ABCC10: variants seen among roughly 807,000 people sequenced by gnomAD.
ABCC10 encodes ATP binding cassette subfamily C member 10.
A neutral mutation model predicts 143.2 loss-of-function variants in ABCC10; 110 were observed. The observed-to-expected ratio is 0.77, with a 90% CI of 0.66 to 0.90. The LOEUF (loss-of-function observed/expected upper bound fraction) is 0.90. Ranked by LOEUF, ABCC10 falls within the 40% of genes least tolerant of loss-of-function variation. The pLI, the probability that ABCC10 is intolerant of heterozygous loss-of-function variation, is 0.00. For synonymous variants in ABCC10, 805 were observed against 846.7 expected, an observed-to-expected ratio of 0.95 and a Z score of 0.85; for missense variants, 1,700 against 1,900.5, an observed-to-expected ratio of 0.89 and a Z score of 1.96.
intron 2 of ABCC10, among the ~76,000 whole-genome samples, chr6:43,429,326 A>G (rs1780842469): frequency 7.2e-6 from 1 of 139,104 alleles, no homozygotes; most frequent in South Asian, 2.2e-4. Flanking sequence ...GGAAATATAT[A>G]TATTTTTTTC....
intron 7 of ABCC10, chr6:43,438,307 C>T (rs548373182): frequency 1.5e-4 from 208 of 1,366,598 alleles, no homozygotes; most frequent in Non-Finnish European, 1.8e-4. Flanking sequence ...CAGAGAGGAG[C>T]ATAGGTTTGA....
intron 16 of ABCC10, chr6:43,446,836 C>T: frequency 8.9e-7 from 1 of 1,117,758 alleles, no homozygotes; most frequent in Admixed American, 4.7e-5. Flanking sequence ...TCCTGCTTCT[C>T]TGTTGCTTTT....
At chr6:43,451,734 T>G (rs952932092), downstream of ABCC10, among the ~76,000 whole-genome samples, 4 of 151,922 alleles carry the variant, frequency 2.6e-5, no homozygotes, top group Non-Finnish European at 4.4e-5. This position sits in a 1 kb window ranked among gnomAD's most constrained non-coding sequence, Gnocchi z 4.4. Context: ...TCCTATAGAT[T>G]GTTGAAGAAA....
chr6:43,442,967 T>A lies in ABCC10; in HGVS notation c.2227-3T>A. Reference sequence around the variant, plus strand: ...TGCCCACGGTACCCTCACGTCTCCATAGGAAAAGGAGCTCTATCTCCTCGA... The same window carrying A: ...TGCCCACGGTACCCTCACGTCTCCAAAGGAAAAGGAGCTCTATCTCCTCGA... On this transcript the variant is annotated splice_polypyrimidine_tract_variant and splice_region_variant and intron_variant, in intron 9 of 21. Coordinates refer to ENST00000372530, the MANE Select transcript of ABCC10 (RefSeq NM_001198934.2). The A allele has an allele frequency of 7.6e-6, 12 of 1,575,756 alleles. No individual in the cohort carries two copies. Among genetic ancestry groups the A allele is most frequent in the Non-Finnish European group, 1.0e-5 (12 of 1,160,646 alleles).
chr6:43,447,543 AC>A (rs1336744238), intron 17 of ABCC10, 135 bp downstream of exon 17: 1 of 1,551,476 alleles, frequency 6.4e-7, no homozygotes, highest in Non-Finnish European at 8.7e-7. Flanking sequence ...ACAATTCTTC[AC>A]CATGTCCCTT....
Position 43,445,260 on chromosome 6 carries a change from C to T in ABCC10, c.2976C>T (p.Gly992=), listed in dbSNP as rs752442000. 5 of 1,613,950 alleles carry T rather than the reference C, an allele frequency of 3.1e-6. No individual in the cohort carries two copies. In the Admixed American group the frequency reaches 6.7e-5, roughly 22 times the overall value. Residue 992 remains glycine, a synonymous_variant, in exon 14 of 22, where the codon GGC becomes GGT. Transcript: ENST00000372530. ...TLLRAVLFAA[G]TLQAAATLHR... is the part of the protein sequence containing the mutation. ...TCCGGGCAGTGCTCTTTGCAGCAGG[C>T]ACCCTTCAAGCAGCTGCCACTCTGC...
chr6:43,447,985 G>A, intron 18 of ABCC10, 48 bp downstream of exon 18: 1 of 1,602,376 alleles, frequency 6.2e-7, no homozygotes, highest in Non-Finnish European at 8.5e-7. Context: ...CAGAACTACT[G>A]GCACTTAGAG....
chr6:43,443,048 A>C lies in ABCC10; in HGVS notation c.2305A>C (p.Ile769Leu). The C allele has an allele frequency of 6.2e-7, 1 of 1,613,306 alleles. No individual in the cohort carries two copies. Among genetic ancestry groups the C allele is most frequent in the East Asian group, 2.2e-5 (1 of 44,874 alleles). Residue 769 changes from isoleucine (I) to leucine (L), a missense_variant, in exon 10 of 22, where the codon ATC (isoleucine) becomes CTC (leucine). Transcript: ENST00000372530. The surrounding 1 kb of genome is among the most constrained non-coding windows in gnomAD (Gnocchi z 4.2). ...DVANHLLHRC[I>L]LGMLSYTTRL... The stretch of plus-strand genomic sequence containing the variant: ...GGCCAACCACCTGCTGCACAGGTGC[A>C]TCCTGGGCATGCTGAGCTACACCAC...
chr6:43,443,875 G>A lies in ABCC10; in HGVS notation c.2417-58G>A. 2.6e-6 allele frequency: 4 copies of A among 1,525,952 alleles called. No homozygotes were observed. The highest frequency in any genetic ancestry group is 1.4e-5 in the African/African-American group (1 of 73,100). 94.5% of individuals were successfully genotyped at this position (1,525,952 alleles called of 1,614,324 possible). A position where few individuals can be genotyped will look rare whatever the true frequency, so the allele number is the denominator to read the frequency against. ...GAGGTGGGATCTGCACACGCACTGA[G>A]AAAGGCATAGTATAGACTCAGAACA... On this transcript the variant is annotated intron_variant, in intron 10 of 21. Transcript: ENST00000372530. The surrounding 1 kb of genome is among the most constrained non-coding windows in gnomAD (Gnocchi z 4.2).
intron 17 of ABCC10, 116 bp downstream of exon 17, chr6:43,447,524 A>G (rs1229220315): frequency 3.9e-6 from 6 of 1,553,296 alleles, no homozygotes; most frequent in Admixed American, 1.9e-5. Context: ...ACCTCTCTTC[A>G]TGATGACCAC....
chr6:43,445,005 T>C (rs983290049), intron 13 of ABCC10, 67 bp downstream of exon 13: 1 of 1,580,930 alleles, frequency 6.3e-7, no homozygotes, highest in Non-Finnish European at 8.6e-7. Flanking sequence ...GAGTGAGGGT[T>C]GTGGCCGGTA....
chr6:43,451,633 C>G (rs550303730), downstream of ABCC10, among the ~76,000 whole-genome samples: 1 of 152,282 alleles, frequency 6.6e-6, no homozygotes, highest in African/African-American at 2.4e-5. The surrounding 1 kb of genome is among the most constrained non-coding windows in gnomAD (Gnocchi z 4.4). Flanking sequence ...AGCCAGCGTT[C>G]AGGAGAGGAT....
chr6:43,430,094 A>T (rs546667197), intron 2 of ABCC10, among the ~76,000 whole-genome samples: 111 of 138,458 alleles, frequency 8.0e-4, no homozygotes, highest in South Asian at 2.1e-3. Context: ...ATAGAAAAAA[A>T]TTTTTTTTTT....
rs755874920 is a variant in ABCC10 at position 43,434,666 on chromosome 6, G to A, written c.1426G>A (p.Gly476Arg). The change falls in exon 4 of 22, where the codon GGG becomes AGG. Residue 476 changes from glycine (G) to arginine (R), a missense_variant. Gly to Arg is a moderately radical substitution (Grantham distance 125, BLOSUM62 -2). Transcript: ENST00000372530. Reference protein sequence around the residue: ...LSGIRVIKFCGWEQALGARVE... With the variant: ...LSGIRVIKFCRWEQALGARVE... ...TGGCATTCGGGTCATCAAGTTCTGCGGGTGGGAGCAGGCACTGGGAGCCCG... is the reference window on the plus strand; with the variant it reads ...TGGCATTCGGGTCATCAAGTTCTGCAGGTGGGAGCAGGCACTGGGAGCCCG... 1.4e-5 allele frequency: 22 copies of A among 1,614,040 alleles called. No homozygotes were observed. In the Admixed American group the frequency reaches 3.0e-4, roughly 22 times the overall value.
intron 4 of ABCC10, among the ~76,000 whole-genome samples, 171 bp from the exon 5 acceptor site, chr6:43,435,580 A>G (rs1781602136): frequency 6.6e-6 from 1 of 152,080 alleles, no homozygotes; most frequent in African/African-American, 2.4e-5. Flanking sequence ...TGGAATTTCT[A>G]GGATTCTTTA....
intron 4 of ABCC10, chr6:43,435,205 A>T (rs1562176021): frequency 4.7e-6 from 1 of 213,436 alleles, no homozygotes; most frequent in Non-Finnish European, 9.3e-6. Context: ...TCTAAAAAAA[A>T]GACTCAAAAT....
At position 43,432,860 on chromosome 6, in the gene ABCC10, G is replaced by A. The variant is rs202203665; in HGVS notation, c.880G>A (p.Val294Met). 1.5e-4 allele frequency: 240 copies of A among 1,614,090 alleles called. No individual in the cohort carries two copies. Among genetic ancestry groups the A allele is most frequent in the South Asian group, 5.6e-4 (51 of 91,094 alleles). The change falls in exon 3 of 22, where the codon GTG becomes ATG. Residue 294 changes from valine to methionine, a missense_variant. Transcript: ENST00000372530. ...CYLALGLLKL[V>M]GTMLGFSGPL... is the part of the protein sequence containing the mutation. ...TCTGGCACTTGGACTGCTGAAGCTG[G>A]TGGGGACCATGTTGGGATTCTCAGG... is the stretch of plus-strand genomic sequence containing the variant.
chr6:43,449,638 G>GCC (rs141267810), intron 21 of ABCC10, 104 bp downstream of exon 21: 2 of 962,078 alleles, frequency 2.1e-6, no homozygotes, highest in African/African-American at 1.7e-5. Flanking sequence ...TAGAGATCCT[G>GCC]CCCCCCCAGA....
In ABCC10 at chr6:43,447,900, G is replaced by A. The variant is rs573450847; in HGVS notation, c.3922G>A (p.Gly1308Ser). 6.8e-6 allele frequency: 11 copies of A among 1,613,758 alleles called. No homozygotes were observed. The highest frequency in any genetic ancestry group is 2.2e-5 in the East Asian group (1 of 44,888). The change falls in exon 18 of 22, where the codon GGC becomes AGC. Residue 1308 changes from glycine (G) to serine (S), a missense_variant. By Grantham distance (56) the Gly-to-Ser change is moderately conservative (BLOSUM62 0). Transcript: ENST00000372530. ...EPSSGRVLLD[G>S]VDTSQLELAQ... ...CAGTTCAGGGCGAGTGCTGCTGGAC[G>A]GCGTGGACACCAGCCAGCTGGAGCT...
Sources: gnomAD v4.1 joint callset for allele counts (sites outside exome capture counted in the v4.1 genomes callset) on GRCh38, gnomAD v4.1.1 for gene constraint, Gnocchi (gnomAD v3.1) non-coding constraint, MANE v1.5 for transcripts, NCBI Gene and HGNC (gene_info 2026-07-23, HGNC 2026-07-21) for gene names.